Variants in PRR5L observed in about 807,000 individuals in gnomAD.
PRR5L encodes proline-rich protein 5-like.
In PRR5L, 21 loss-of-function variants were observed where a neutral mutation model predicts 36.4. That is an observed-to-expected ratio of 0.58 (90% CI 0.41 to 0.83). PRR5L has a LOEUF of 0.83. Ranked by LOEUF, PRR5L falls within the 40% of genes least tolerant of loss-of-function variation. PRR5L has a pLI of 0.00. For missense variants in PRR5L, 381 were observed against 473.3 expected, an observed-to-expected ratio of 0.80 and a Z score of 1.81; for synonymous variants, 188 against 197.0, an observed-to-expected ratio of 0.95 and a Z score of 0.38.
chr11:36,357,250 C>T (rs1857037431), intron 1 of PRR5L, among the ~76,000 whole-genome samples: 1 of 152,168 alleles, frequency 6.6e-6, no homozygotes, highest in South Asian at 2.1e-4. Flanking sequence ...TTGGAAGCTA[C>T]AGGAGGTTGG....
chr11:36,407,691 C>T (rs1314661277), intron 3 of PRR5L, among the ~76,000 whole-genome samples: 1 of 152,162 alleles, frequency 6.6e-6, no homozygotes, highest in Non-Finnish European at 1.5e-5. Flanking sequence ...GCCACCCTGG[C>T]CACTTTCTAT....
intron 1 of PRR5L, among the ~76,000 whole-genome samples, chr11:36,345,425 C>T (rs72950047): frequency 9.2e-5 from 14 of 152,036 alleles, no homozygotes; most frequent in Non-Finnish European, 1.8e-4. Flanking sequence ...CCTGGAGCTG[C>T]GGTTGTTAAC....
intron 1 of PRR5L, among the ~76,000 whole-genome samples, chr11:36,329,579 T>G (rs1280508508): frequency 2.6e-5 from 4 of 152,256 alleles, no homozygotes; most frequent in Admixed American, 6.5e-5. Flanking sequence ...AAGATTACCC[T>G]TGTTTATAAA....
At chr11:36,361,377 ATTACT>A (rs1210969492) in intron 1 of PRR5L, among the ~76,000 whole-genome samples, 6 of 152,360 alleles carry the variant, frequency 3.9e-5, no homozygotes, top group Admixed American at 6.5e-5. Context: ...ATAAAAATAC[ATTACT>A]TATGTTAATT....
At chr11:36,417,033 CT>C (rs1278298639) in intron 3 of PRR5L, among the ~76,000 whole-genome samples, 1 of 152,160 alleles carries the variant, frequency 6.6e-6, no homozygotes, top group African/African-American at 2.4e-5. Flanking sequence ...TAACCCCGAC[CT>C]TTTTCTTTTT....
intron 1 of PRR5L, among the ~76,000 whole-genome samples, chr11:36,328,564 CA>C (rs1856688229): frequency 6.6e-6 from 1 of 152,160 alleles, no homozygotes; most frequent in East Asian, 1.9e-4. Flanking sequence ...GAGCAGATGC[CA>C]ACATCATGCT....
intron 1 of PRR5L, among the ~76,000 whole-genome samples, chr11:36,303,777 T>C (rs1347602754): frequency 6.6e-6 from 1 of 152,156 alleles, no homozygotes; most frequent in Non-Finnish European, 1.5e-5. Context: ...TAAACAAATA[T>C]TGAAAAAACA....
intron 1 of PRR5L, among the ~76,000 whole-genome samples, chr11:36,357,279 A>G (rs2133498587): frequency 6.6e-6 from 1 of 152,364 alleles, no homozygotes; most frequent in South Asian, 2.1e-4. Context: ...GTTTAAGGAA[A>G]GAAACCTGTC....
At chr11:36,435,652 C>A (rs1858589977) in intron 5 of PRR5L, among the ~76,000 whole-genome samples, 1 of 152,154 alleles carries the variant, frequency 6.6e-6, no homozygotes, top group Non-Finnish European at 1.5e-5. Context: ...AAGAGAGGAT[C>A]AAGACCCAGG....
chr11:36,340,455 G>A (rs1052819941), intron 1 of PRR5L, among the ~76,000 whole-genome samples: 12 of 152,186 alleles, frequency 7.9e-5, no homozygotes, highest in African/African-American at 2.9e-4. Context: ...GAGTGCGCAT[G>A]CATATAACAC....
intron 3 of PRR5L, among the ~76,000 whole-genome samples, chr11:36,408,332 T>C (rs573407687): frequency 1.1e-3 from 172 of 151,644 alleles, no homozygotes; most frequent in African/African-American, 4.1e-3. Context: ...TAGCGGCCAA[T>C]GTTGTCCCAT....
At chr11:36,323,199 C>T (rs1329149691) in intron 1 of PRR5L, among the ~76,000 whole-genome samples, 3 of 152,180 alleles carry the variant, frequency 2.0e-5, no homozygotes, top group Admixed American at 6.5e-5. Flanking sequence ...CTACCATCCA[C>T]AGCCCACGGA....
intron 6 of PRR5L, among the ~76,000 whole-genome samples, chr11:36,445,186 A>G (rs1858802885): frequency 1.3e-5 from 2 of 152,212 alleles, no homozygotes; most frequent in Admixed American, 1.3e-4. Flanking sequence ...GAGTTGCAGG[A>G]AATATAAAAC....
At chr11:36,381,531 G>C (rs1229142377) in intron 1 of PRR5L, 3 of 152,124 alleles carry the variant, frequency 2.0e-5, no homozygotes, top group Non-Finnish European at 4.4e-5. Context: ...CTCAAACCCT[G>C]TCACAACCTG....
chr11:36,322,761 A>C (rs1856624780), intron 1 of PRR5L, among the ~76,000 whole-genome samples: 1 of 152,220 alleles, frequency 6.6e-6, no homozygotes, highest in African/African-American at 2.4e-5. Context: ...TGTTACCCAC[A>C]AAAGATACGG....
rs143460728 is a variant in PRR5L, at chr11:36,368,295, G to A, written c.-125-32702G>A. ...GACCACTACAGGGGCAGGGGATAGC[G>A]AGTAGAATAGTCTAATGGCTTGATG... On this transcript the variant is annotated intron_variant, in intron 1 of 8. Transcript: ENST00000530639. Among the ~76,000 whole-genome samples, 1,180 of 152,224 alleles carry A rather than the reference G, an allele frequency of 7.8e-3. 9 individuals carry two copies. Among genetic ancestry groups the A allele is most frequent in the Non-Finnish European group, 0.012 (823 of 68,010 alleles).
chr11:36,368,489 C>A (rs567500180), intron 1 of PRR5L, among the ~76,000 whole-genome samples: 1 of 152,330 alleles, frequency 6.6e-6, no homozygotes, highest in Admixed American at 6.5e-5. Flanking sequence ...AACAGCGATT[C>A]TCAAAATGTA....
At chr11:36,388,520 T>C (rs2133538590) in intron 1 of PRR5L, among the ~76,000 whole-genome samples, 1 of 152,300 alleles carries the variant, frequency 6.6e-6, no homozygotes, top group South Asian at 2.1e-4. Flanking sequence ...GCTACCCAGC[T>C]CCTTGCCCTA....
intron 1 of PRR5L, among the ~76,000 whole-genome samples, chr11:36,358,702 G>C (rs995473046): frequency 6.6e-6 from 1 of 152,158 alleles, no homozygotes; most frequent in Non-Finnish European, 1.5e-5. Context: ...GGCAGTAACT[G>C]TCAGGAAAGA....
Sources: allele counts gnomAD v4.1 joint callset (sites outside exome capture counted in the v4.1 genomes callset), GRCh38; gene constraint gnomAD v4.1.1; transcripts MANE v1.5; gene names NCBI Gene and HGNC (gene_info 2026-07-23, HGNC 2026-07-21).